RAD51B: variants seen among roughly 807,000 people sequenced by gnomAD.
The protein encoded by RAD51B is RAD51 paralog B.
In RAD51B, 38 loss-of-function variants were observed where a neutral mutation model predicts 42.2. The observed-to-expected ratio is 0.90, with a 90% CI of 0.70 to 1.18. RAD51B has a LOEUF of 1.18. RAD51B is among the 50% of genes most tolerant of loss of function. RAD51B has a pLI of 0.00. For missense variants in RAD51B, 373 were observed against 400.7 expected (o/e 0.93, Z 0.59); for synonymous variants, 154 against 145.2 (o/e 1.06, Z -0.43).
intron 7 of RAD51B, among the ~76,000 whole-genome samples, chr14:68,211,325 C>T (rs567381114): frequency 6.6e-6 from 1 of 152,294 alleles, no homozygotes; most frequent in Admixed American, 6.5e-5. Context: ...AATCACATTG[C>T]CCTCCCTCCA....
intron 10 of RAD51B, among the ~76,000 whole-genome samples, chr14:68,648,915 G>A (rs1416401422): frequency 6.6e-6 from 1 of 152,046 alleles, no homozygotes; most frequent in African/African-American, 2.4e-5. Flanking sequence ...TCAGTCAGCA[G>A]GGCAACTCTG....
chr14:68,649,643 C>T (rs1331884828), intron 10 of RAD51B, among the ~76,000 whole-genome samples: 1 of 152,180 alleles, frequency 6.6e-6, no homozygotes, highest in South Asian at 2.1e-4. Context: ...CGTTGGTTAG[C>T]CAATAGATGG....
chr14:68,197,245 A>G (rs1472466014), intron 7 of RAD51B, among the ~76,000 whole-genome samples: 1 of 152,162 alleles, frequency 6.6e-6, no homozygotes, highest in Non-Finnish European at 1.5e-5. Flanking sequence ...CTATCACTAC[A>G]GATTAGTTTT....
At chr14:68,606,100 C>T (rs1385586662) in intron 10 of RAD51B, among the ~76,000 whole-genome samples, 1 of 152,218 alleles carries the variant, frequency 6.6e-6, no homozygotes, top group African/African-American at 2.4e-5. Flanking sequence ...CTCTGGTGCA[C>T]TTGGGCCGGG....
chr14:68,238,592 A>C (rs1940527584), intron 7 of RAD51B, among the ~76,000 whole-genome samples: 4 of 152,216 alleles, frequency 2.6e-5, no homozygotes, highest in Admixed American at 1.3e-4. Flanking sequence ...GGCATGAGCC[A>C]CTGTGCCCAA....
At chr14:68,519,814 T>G (rs913893006) in intron 10 of RAD51B, among the ~76,000 whole-genome samples, 2 of 152,190 alleles carry the variant, frequency 1.3e-5, no homozygotes, top group Admixed American at 1.3e-4. Context: ...ATTTTCAGGA[T>G]CTTTCCCAAT....
At chr14:68,156,640 T>A (rs757340291) in intron 7 of RAD51B, among the ~76,000 whole-genome samples, 2 of 152,310 alleles carry the variant, frequency 1.3e-5, no homozygotes, top group Non-Finnish European at 2.9e-5. Context: ...AATGGGGTCA[T>A]GTACACTGTG....
At chr14:68,643,731 C>T (rs1464811821) in intron 10 of RAD51B, among the ~76,000 whole-genome samples, 1 of 152,166 alleles carries the variant, frequency 6.6e-6, no homozygotes, top group Non-Finnish European at 1.5e-5. Context: ...ATCAGAGCAG[C>T]TCCTTGTGTT....
downstream of RAD51B, among the ~76,000 whole-genome samples, chr14:68,614,346 AT>A (rs1235210321): frequency 6.6e-6 from 1 of 152,130 alleles, no homozygotes; most frequent in Non-Finnish European, 1.5e-5. Flanking sequence ...CCAAATACTT[AT>A]TTTTTTAATT....
chr14:68,136,979 T>C lies in RAD51B; in HGVS notation c.757-154905T>C, dbSNP rs879191589. On this transcript the variant is annotated intron_variant, in intron 7 of 10. Coordinates refer to ENST00000471583, the MANE Select transcript of RAD51B (RefSeq NM_133510.4). ...AGTATGGAAATAACAGATGGAGGTATAGAAGTTTTTGATAAGCTAGGCATG... is the reference window on the plus strand; with the variant it reads ...AGTATGGAAATAACAGATGGAGGTACAGAAGTTTTTGATAAGCTAGGCATG... Among the ~76,000 whole-genome samples the C allele has an allele frequency of 2.1e-3, 44 of 20,640 alleles. 12 individuals are homozygous for C. The highest frequency in any genetic ancestry group is 2.7e-3 in the African/African-American group (42 of 15,530). The allele number at this position is 20,640 out of a possible 152,430, so 13.5% of individuals were successfully genotyped here.
chr14:68,514,621 A>G (rs1198206521), intron 10 of RAD51B, among the ~76,000 whole-genome samples: 1 of 151,506 alleles, frequency 6.6e-6, no homozygotes, highest in Non-Finnish European at 1.5e-5. Flanking sequence ...TCCATTTTCC[A>G]CTTGGGGTTT....
At chr14:68,138,595 G>A (rs2078059057) in intron 7 of RAD51B, among the ~76,000 whole-genome samples, 1 of 152,028 alleles carries the variant, frequency 6.6e-6, no homozygotes, top group Admixed American at 6.6e-5. Flanking sequence ...CCTAATTTAT[G>A]TATTTATTTA....
chr14:68,387,923 A>G (rs997730762), intron 8 of RAD51B, among the ~76,000 whole-genome samples: 3 of 152,144 alleles, frequency 2.0e-5, no homozygotes, highest in Admixed American at 6.5e-5. Flanking sequence ...TAATTTTCAT[A>G]TTGATTACAC....
At chr14:68,609,906 G>T (rs1025875954) in intron 10 of RAD51B, among the ~76,000 whole-genome samples, 1 of 151,852 alleles carries the variant, frequency 6.6e-6, no homozygotes, top group African/African-American at 2.4e-5. Context: ...GTGACTTCCT[G>T]CCAGGCTTCC....
intron 7 of RAD51B, among the ~76,000 whole-genome samples, chr14:68,072,328 C>T (rs911243559): frequency 2.7e-5 from 4 of 150,680 alleles, no homozygotes; most frequent in African/African-American, 9.8e-5. Flanking sequence ...TACATTATCA[C>T]AAGGTCCCGC....
chr14:68,659,167 C>G (rs958333964), intron 11 of RAD51B, among the ~76,000 whole-genome samples: 1 of 152,238 alleles, frequency 6.6e-6, no homozygotes, highest in Admixed American at 6.5e-5. Context: ...ACCCACGGAG[C>G]CTTTTCCTCC....
downstream of RAD51B, among the ~76,000 whole-genome samples, chr14:68,479,935 G>C (rs1053471584): frequency 6.6e-6 from 1 of 151,902 alleles, no homozygotes; most frequent in Admixed American, 6.6e-5. Flanking sequence ...CACCTTCCCA[G>C]CTCAGCCTCC....
chr14:67,881,072 TACTGTA>T (rs945920536), intron 5 of RAD51B, among the ~76,000 whole-genome samples: 50 of 152,372 alleles, frequency 3.3e-4, no homozygotes, highest in African/African-American at 1.2e-3. Flanking sequence ...TACAGCATGT[TACTGTA>T]TTGAATAGGC....
rs534874004 is a variant in RAD51B at position 67,947,598 on chromosome 14, ATG to A, written c.756+60397_756+60398del. 2.3e-3 allele frequency among the ~76,000 whole-genome samples: 352 copies of A among 152,278 alleles called. 1 individual carries two copies. The highest frequency in any genetic ancestry group is 8.2e-3 in the African/African-American group (341 of 41,558). ...TTCATAATTTCTTATTTCATCAGTA[ATG>A]TGACTCCCCTAGAAGTATTGGTTAA... On this transcript the variant is annotated intron_variant, in intron 7 of 10. Transcript: ENST00000471583.
Sources: gnomAD v4.1 joint callset for allele counts (sites outside exome capture counted in the v4.1 genomes callset) on GRCh38, gnomAD v4.1.1 for gene constraint, MANE v1.5 for transcripts, NCBI Gene and HGNC (gene_info 2026-07-23, HGNC 2026-07-21) for gene names.